The following JAM2 variants were observed in gnomAD, a reference collection of about 807,000 sequenced individuals.
The protein encoded by JAM2 is junctional adhesion molecule 2, also known as junctional adhesion molecule B.
A neutral mutation model predicts 42.0 loss-of-function variants in JAM2; 17 were observed. The observed-to-expected ratio is 0.40, with a 90% CI of 0.28 to 0.61. The LOEUF is 0.61. JAM2 is among the 20% of genes least tolerant of loss of function. The pLI is 0.37. For synonymous variants in JAM2, 118 were observed against 128.6 expected (o/e 0.92, Z 0.56); for missense variants, 319 against 358.3 (o/e 0.89, Z 0.89).
chr21:25,701,925 A>T (rs1601058562), intron 5 of JAM2, among the ~76,000 whole-genome samples: 1 of 103,460 alleles, frequency 9.7e-6, no homozygotes, highest in Non-Finnish European at 1.9e-5. Flanking sequence ...TTTCATGGTT[A>T]AAAAAAAAAA....
chr21:25,660,772 A>ATTTTT, intron 1 of JAM2, among the ~76,000 whole-genome samples: 1 of 59,272 alleles, frequency 1.7e-5, no homozygotes, highest in Non-Finnish European at 3.1e-5. Flanking sequence ...ATATATATAT[A>ATTTTT]TATATATATA....
Position 25,698,894 on chromosome 21 carries a change from A to G in JAM2, c.597+15A>G, listed in dbSNP as rs914735188. 4 of 1,604,684 alleles carry G rather than the reference A, an allele frequency of 2.5e-6. No homozygotes were observed. Among genetic ancestry groups the G allele is most frequent in the African/African-American group, 1.3e-5 (1 of 74,698 alleles). On this transcript the variant is annotated intron_variant, in intron 5 of 9. Transcript: ENST00000480456. ...CTGGAACTCTGGTAAGGTCATTTCA[A>G]GATTTGACTTGATAACTGTCTTGCA...
intron 1 of JAM2, among the ~76,000 whole-genome samples, chr21:25,679,722 A>G (rs2033584857): frequency 6.6e-6 from 1 of 152,220 alleles, no homozygotes; most frequent in East Asian, 1.9e-4. Context: ...TTTGTGCTTC[A>G]GAGCCAGTCT....
rs532942944 is a variant in JAM2, at chr21:25,670,693, C to T, written c.68-13190C>T. ...TTGGATGTGTAGGACTAGTTTTGAA[C>T]TAAAAAAGTCAGAGAACTGTTTTTA... On this transcript the variant is annotated intron_variant, in intron 1 of 9. Coordinates refer to ENST00000480456, the MANE Select transcript of JAM2 (RefSeq NM_021219.4). 1.1e-4 allele frequency among the ~76,000 whole-genome samples: 16 copies of T among 152,170 alleles called. No individual in the cohort carries two copies. In the South Asian group the frequency reaches 3.3e-3, roughly 32 times the overall value.
rs574807867 is a variant in JAM2 at position 25,700,010 on chromosome 21, C to T, written c.597+1131C>T. Among the ~76,000 whole-genome samples, 6 of 152,228 alleles carry T rather than the reference C, an allele frequency of 3.9e-5. 1 individual carries two copies. In the South Asian group the frequency reaches 1.2e-3, roughly 32 times the overall value. ...ATGACTGTAGATCAACAACAGTTGA[C>T]TCTGTGACTTTAGTATCTATTACTT... is the stretch of plus-strand genomic sequence containing the variant. On this transcript the variant is annotated intron_variant, in intron 5 of 9. Coordinates refer to ENST00000480456, the MANE Select transcript of JAM2 (RefSeq NM_021219.4).
intron 3 of JAM2, among the ~76,000 whole-genome samples, chr21:25,690,982 A>C (rs1198210028): frequency 6.6e-6 from 1 of 152,248 alleles, no homozygotes; most frequent in Non-Finnish European, 1.5e-5. Flanking sequence ...TTAATGATAC[A>C]GATGAAACAA....
chr21:25,693,825 C>A lies in JAM2; in HGVS notation c.311C>A (p.Ala104Glu), dbSNP rs369585750. Residue 104 changes from alanine to glutamate, a missense_variant, in exon 4 of 10, where the codon GCG (alanine) becomes GAG (glutamate). Coordinates refer to ENST00000480456, the MANE Select transcript of JAM2 (RefSeq NM_021219.4). ...IRIKNVTRSD[A>E]GKYRCEVSAP... ...ATCAAAAATGTGACAAGAAGTGATG[C>A]GGGGAAATATCGTTGTGAAGTTAGT... The A allele has an allele frequency of 3.1e-6, 5 of 1,613,690 alleles. No homozygotes were observed. In the South Asian group the frequency reaches 5.5e-5, roughly 18 times the overall value.
At chr21:25,680,127 T>G (rs1205527139) in intron 1 of JAM2, among the ~76,000 whole-genome samples, 2 of 152,228 alleles carry the variant, frequency 1.3e-5, no homozygotes, top group Non-Finnish European at 2.9e-5. Flanking sequence ...TCAAGGTCCT[T>G]GTCCTCTAAG....
intron 9 of JAM2, chr21:25,714,378 C>T (rs2034441427): frequency 4.0e-5 from 18 of 451,446 alleles, no homozygotes; most frequent in South Asian, 3.2e-4. Flanking sequence ...GTGGCATGTG[C>T]CTGCAGTTCC....
chr21:25,694,185 T>G (rs775778211), intron 4 of JAM2, among the ~76,000 whole-genome samples: 7 of 152,150 alleles, frequency 4.6e-5, no homozygotes, highest in African/African-American at 1.2e-4. Flanking sequence ...TACATAGGAG[T>G]ATCTTTCCTG....
Position 25,702,170 on chromosome 21 carries a change from C to A in JAM2, c.598C>A (p.Gln200Lys). ...YTMNTKTGTLQFNTVSKLDTG... is the reference protein window; with the variant it reads ...YTMNTKTGTLKFNTVSKLDTG... ...AATATATTTTTGCATCCACAAATAG[C>A]AATTTAATACTGTTTCCAAACTGGA... The change falls in exon 6 of 10, where the codon CAA (glutamine) becomes AAA (lysine). Residue 200 changes from glutamine (Q) to lysine (K), a missense_variant and splice_region_variant. Coordinates refer to ENST00000480456, the MANE Select transcript of JAM2 (RefSeq NM_021219.4). 1.3e-6 allele frequency: 2 copies of A among 1,507,868 alleles called. No homozygotes were observed. The highest frequency in any genetic ancestry group is 1.3e-5 in the South Asian group (1 of 78,118). The allele number at this position is 1,507,868 out of a possible 1,614,324, so 93.4% of individuals were successfully genotyped here.
chr21:25,655,118 A>G (rs2032893419), intron 1 of JAM2, among the ~76,000 whole-genome samples: 1 of 152,188 alleles, frequency 6.6e-6, no homozygotes, highest in Non-Finnish European at 1.5e-5. Flanking sequence ...GGTGCTTGCT[A>G]AAGTAATAAA....
chr21:25,687,992 C>T (rs554930765), intron 2 of JAM2, among the ~76,000 whole-genome samples: 14 of 152,012 alleles, frequency 9.2e-5, no homozygotes, highest in African/African-American at 3.4e-4. Flanking sequence ...TTGTAAGATC[C>T]CAAAGGGCAA....
rs2034467847 is a variant in JAM2 at position 25,715,857 on chromosome 21, CTTTT to C, written c.*1186_*1189del. 6.6e-6 allele frequency: 1 copy of C among 152,130 alleles called. No individual in the cohort carries two copies. The highest frequency in any genetic ancestry group is 1.5e-5 in the Non-Finnish European group (1 of 68,002). 9.4% of individuals were successfully genotyped at this position (152,130 alleles called of 1,614,324 possible). A position where few individuals can be genotyped will look rare whatever the true frequency, so the allele number is the denominator to read the frequency against. On this transcript the variant is annotated 3_prime_UTR_variant, in exon 10 of 10. Transcript: ENST00000480456. ...TAAAAATTCATATCATTTGTAACTT[CTTTT>C]AATTACTGAATTGATATTAAAAACA...
intron 1 of JAM2, among the ~76,000 whole-genome samples, chr21:25,682,178 C>G (rs58083384): frequency 6.6e-6 from 1 of 152,044 alleles, no homozygotes; most frequent in East Asian, 1.9e-4. Context: ...CTATAACAGG[C>G]GACAGACTTG....
intron 1 of JAM2, among the ~76,000 whole-genome samples, chr21:25,662,456 T>C (rs2033114798): frequency 6.6e-6 from 1 of 152,106 alleles, no homozygotes; most frequent in South Asian, 2.1e-4. Context: ...GCCTTATTTT[T>C]ATATTTTATT....
intron 1 of JAM2, among the ~76,000 whole-genome samples, chr21:25,664,346 C>A (rs2033163229): frequency 6.6e-6 from 1 of 152,242 alleles, no homozygotes; most frequent in South Asian, 2.1e-4. Context: ...AGTGATTGTC[C>A]TGCCTCAGCC....
Position 25,642,041 on chromosome 21 carries a change from A to G in JAM2, c.67+2153A>G, listed in dbSNP as rs114513231. Among the ~76,000 whole-genome samples the G allele has an allele frequency of 2.7e-3, 412 of 152,276 alleles. 1 individual carries two copies. The highest frequency in any genetic ancestry group is 8.8e-3 in the African/African-American group (365 of 41,554). ...GTGACATTTTCATCACATTATCTCC[A>G]GGGAACATACCGTACACATGACTTA... On this transcript the variant is annotated intron_variant, in intron 1 of 9. Coordinates refer to ENST00000480456, the MANE Select transcript of JAM2 (RefSeq NM_021219.4).
chr21:25,666,164 A>G (rs969880773), intron 1 of JAM2, among the ~76,000 whole-genome samples: 1 of 152,176 alleles, frequency 6.6e-6, no homozygotes, highest in African/African-American at 2.4e-5. Context: ...ATTAACTATC[A>G]CAATGCTATT....
Sources: allele counts gnomAD v4.1 joint callset (sites outside exome capture counted in the v4.1 genomes callset), GRCh38; gene constraint gnomAD v4.1.1; transcripts MANE v1.5; gene names NCBI Gene and HGNC (gene_info 2026-07-23, HGNC 2026-07-21).